FAT1: variants seen among roughly 807,000 people sequenced by gnomAD.
The protein encoded by FAT1 is FAT atypical cadherin 1, also known as protocadherin Fat 1.
FAT1 carries 171 observed loss-of-function variants against 329.8 expected under a neutral mutation model. The ratio of observed to expected loss-of-function variants is 0.52; its 90% CI spans 0.46 to 0.59. The LOEUF (loss-of-function observed/expected upper bound fraction) is 0.59. Among genes scored for constraint, FAT1 ranks in the 20% least tolerant of loss-of-function variants. The probability of loss-of-function intolerance (pLI) is 0.00; values close to 1 mark genes in which losing one functional copy is unlikely to be tolerated. For synonymous variants in FAT1, 2,233 were observed against 2,228.6 expected, an observed-to-expected ratio of 1.00 and a Z score of -0.06; for missense variants, 5,672 against 5,774.4, an observed-to-expected ratio of 0.98 and a Z score of 0.57.
In FAT1 at chr4:186,707,511, T is replaced by A. The variant is rs2126689151; in HGVS notation, c.2317A>T (p.Met773Leu). ...TCAAGAGGAGATAAAATTTTCAGCA[T>A]TCCTGTTTCCATATCAATCATGAAG... is the stretch of plus-strand genomic sequence containing the variant. ...SCFMIDMETG[M>L]LKILSPLDRE... Residue 773 changes from methionine (M) to leucine (L), a missense_variant, in exon 2 of 27, where the codon ATG (methionine) becomes TTG (leucine). This residue lies in a region of FAT1 where 3,966 missense variants were observed against 3,915.2 expected (regional missense o/e 1.01). Transcript: ENST00000441802. 1 of 1,614,028 alleles carries A rather than the reference T, an allele frequency of 6.2e-7. No individual in the cohort carries two copies. Among genetic ancestry groups the A allele is most frequent in the Admixed American group, 1.7e-5 (1 of 60,022 alleles).
rs760291675 is a variant in FAT1 at position 186,619,114 on chromosome 4, G to A, written c.7472C>T (p.Ala2491Val). The A allele has an allele frequency of 1.2e-6, 2 of 1,613,996 alleles. No homozygotes were observed. Among genetic ancestry groups the A allele is most frequent in the South Asian group, 1.1e-5 (1 of 91,078 alleles). ...CACTTCATATTCGTTCTGAAGGAAA[G>A]CAGGACTGTGCAAATTGCCTCCAAT... is the stretch of plus-strand genomic sequence containing the variant. ...TVIGGNLHSPAFLQNEYEVEL... is the reference protein window; with the variant it reads ...TVIGGNLHSPVFLQNEYEVEL... Residue 2491 changes from alanine to valine, a missense_variant, in exon 10 of 27, where the codon GCT (alanine) becomes GTT (valine). Transcript: ENST00000441802.
Position 186,601,298 on chromosome 4 carries a change from C to T in FAT1, c.11611G>A (p.Ala3871Thr). 1 of 1,608,074 alleles carries T rather than the reference C, an allele frequency of 6.2e-7. No individual in the cohort carries two copies. The highest frequency in any genetic ancestry group is 8.5e-7 in the Non-Finnish European group (1 of 1,175,242). Residue 3871 changes from alanine to threonine, a missense_variant, in exon 21 of 27, where the codon GCT becomes ACT. This residue lies in a region of FAT1 where 1,706 missense variants were observed against 1,859.1 expected (regional missense o/e 0.92). Transcript: ENST00000441802. ...TYSTHAVVMY[A>T]RGTDYSILEI... ...AAGATGCTATAGTCAGTTCCTCGAGCATACATGACAACCGCATGCGTGGAA... is the reference window on the plus strand; with the variant it reads ...AAGATGCTATAGTCAGTTCCTCGAGTATACATGACAACCGCATGCGTGGAA...
upstream of FAT1, among the ~76,000 whole-genome samples, chr4:186,724,876 G>GA (rs1372827808): frequency 6.6e-6 from 1 of 152,242 alleles, no homozygotes; most frequent in Non-Finnish European, 1.5e-5. This position sits in a 1 kb window ranked among gnomAD's most constrained non-coding sequence, Gnocchi z 5.3. Flanking sequence ...TGGGACTGGT[G>GA]AGGGGAGCTT....
In FAT1 at chr4:186,618,294, CT is replaced by C; in HGVS notation, c.8291del (p.Lys2764ArgfsTer30). 1 of 1,614,034 alleles carries C rather than the reference CT, an allele frequency of 6.2e-7. No homozygotes were observed. The highest frequency in any genetic ancestry group is 8.5e-7 in the Non-Finnish European group (1 of 1,179,898). On this transcript the variant is annotated frameshift_variant, in exon 10 of 27. Coordinates refer to ENST00000441802, the MANE Select transcript of FAT1 (RefSeq NM_005245.4). LOFTEE classifies it high-confidence loss of function. ...ACTTAGTTGTCTCATGATCAAGACT[CT>C]TCTCCAACTTCAGTCTCCCGCTCTG... ...DRQSGRLKLE[K>X]SLDHETTKWY... is the part of the protein sequence containing the mutation.
In FAT1 at chr4:186,708,478, C is replaced by A. The variant is rs1744764753; in HGVS notation, c.1350G>T (p.Leu450Phe). 1.2e-6 allele frequency: 2 copies of A among 1,613,976 alleles called. No homozygotes were observed. Among genetic ancestry groups the A allele is most frequent in the Non-Finnish European group, 1.7e-6 (2 of 1,179,900 alleles). ...TSDRKASTKV[L>F]VKVLGANSNP... ...TGCTATTTGCACCTAAGACTTTCAC[C>A]AAGACCTTGGTGGACGCTTTTCTGT... is the stretch of plus-strand genomic sequence containing the variant. Residue 450 changes from leucine to phenylalanine, a missense_variant, in exon 2 of 27, where the codon TTG becomes TTT. This residue lies in a region of FAT1 where 3,966 missense variants were observed against 3,915.2 expected (regional missense o/e 1.01). Coordinates refer to ENST00000441802, the MANE Select transcript of FAT1 (RefSeq NM_005245.4).
intron 2 of FAT1, among the ~76,000 whole-genome samples, chr4:186,692,061 T>TCC (rs140172746): frequency 2.0e-5 from 3 of 151,790 alleles, no homozygotes; most frequent in African/African-American, 7.3e-5. Context: ...TTGTTTTTCT[T>TCC]CCCCCCCATG....
At chr4:186,669,360 ATGC>A (rs1302476741) in intron 2 of FAT1, among the ~76,000 whole-genome samples, 1 of 152,188 alleles carries the variant, frequency 6.6e-6, no homozygotes, top group African/African-American at 2.4e-5. Flanking sequence ...AGCGGTCGTG[ATGC>A]TGCTGCGTGA....
rs745400476 is a variant in FAT1 at position 186,599,989 on chromosome 4, A to C, written c.12012T>G (p.Asp4004Glu). Residue 4004 changes from aspartate to glutamate, a missense_variant, in exon 22 of 27, where the codon GAT becomes GAG. Around this residue, in one of 2 missense-constraint regions of FAT1, gnomAD observed 1,706 missense variants for 1,859.1 expected, o/e 0.92. Coordinates refer to ENST00000441802, the MANE Select transcript of FAT1 (RefSeq NM_005245.4). ...RSYAHIEESV[D>E]VSPGCFLTAT... ...CCGTCAGGAAGCAGCCTGGAGATAC[A>C]TCCACCGACTCTTCGATGTGTGCAT... The C allele has an allele frequency of 6.2e-7, 1 of 1,613,944 alleles. No homozygotes were observed.
chr4:186,612,877 A>C (rs1739518800), intron 13 of FAT1, among the ~76,000 whole-genome samples: 1 of 152,242 alleles, frequency 6.6e-6, no homozygotes, highest in South Asian at 2.1e-4. Context: ...AATATTCAGT[A>C]ACCAGAATTT....
At chr4:186,612,280 C>T (rs1207332100) in intron 13 of FAT1, among the ~76,000 whole-genome samples, 4 of 151,980 alleles carry the variant, frequency 2.6e-5, no homozygotes, top group East Asian at 3.9e-4. Context: ...TAGACTATTT[C>T]GTATAGGAGC....
intron 3 of FAT1, among the ~76,000 whole-genome samples, chr4:186,645,428 T>TA (rs1226866451): frequency 2.0e-5 from 2 of 100,428 alleles, no homozygotes; most frequent in African/African-American, 7.6e-5. Flanking sequence ...TATATGCCTG[T>TA]AAAAAACTGA....
intron 3 of FAT1, among the ~76,000 whole-genome samples, chr4:186,646,280 C>T (rs981178769): frequency 6.6e-6 from 1 of 152,154 alleles, no homozygotes; most frequent in African/African-American, 2.4e-5. Context: ...AATCTGGTCA[C>T]CCGATACCTT....
Position 186,618,397 on chromosome 4 carries a change from C to A in FAT1, c.8189G>T (p.Ser2730Ile), listed in dbSNP as rs1424130519. The A allele has an allele frequency of 6.2e-7, 1 of 1,614,050 alleles. No homozygotes were observed. Among genetic ancestry groups the A allele is most frequent in the Non-Finnish European group, 8.5e-7 (1 of 1,179,894 alleles). Residue 2730 changes from serine (S) to isoleucine (I), a missense_variant, in exon 10 of 27, where the codon AGT (serine) becomes ATT (isoleucine). Ser to Ile is a moderately radical substitution (Grantham distance 142, BLOSUM62 -2). This residue lies in a region of FAT1 where 3,966 missense variants were observed against 3,915.2 expected (regional missense o/e 1.01). Coordinates refer to ENST00000441802, the MANE Select transcript of FAT1 (RefSeq NM_005245.4). Reference sequence around the variant, plus strand: ...GACCAGGCTGTAAAGAACAGTCCCACTATGTTCTGCTCGGATGAGATCTAT... The same window carrying A: ...GACCAGGCTGTAAAGAACAGTCCCAATATGTTCTGCTCGGATGAGATCTAT... ...TEIDLIRAEH[S>I]GTVLYSLVKG...
At chr4:186,653,482 T>C (rs1741764943) in intron 3 of FAT1, among the ~76,000 whole-genome samples, 1 of 152,144 alleles carries the variant, frequency 6.6e-6, no homozygotes, top group South Asian at 2.1e-4. Context: ...AATTTTTACT[T>C]CAGAAATATA....
chr4:186,598,579 G>C (rs1738646125), intron 22 of FAT1: 1 of 152,842 alleles, frequency 6.5e-6, no homozygotes, highest in Non-Finnish European at 1.5e-5. Context: ...ACCCAGGCTG[G>C]AGTGCAGTGG....
chr4:186,689,660 T>C (rs1743651666), intron 2 of FAT1, among the ~76,000 whole-genome samples: 1 of 152,214 alleles, frequency 6.6e-6, no homozygotes, highest in South Asian at 2.1e-4. Flanking sequence ...ACCAGTGTAA[T>C]AGGCTTTTAA....
rs984673223 is a variant in FAT1, at chr4:186,613,324, G to A, written c.9248C>T (p.Thr3083Ile). 1.9e-6 allele frequency: 3 copies of A among 1,613,818 alleles called. No homozygotes were observed. Among genetic ancestry groups the A allele is most frequent in the African/African-American group, 1.3e-5 (1 of 74,936 alleles). Residue 3083 changes from threonine to isoleucine, a missense_variant, in exon 13 of 27, where the codon ACC (threonine) becomes ATC (isoleucine). Physicochemically the swap from Thr to Ile is moderately conservative, Grantham distance 89. This residue lies in a region of FAT1 where 3,966 missense variants were observed against 3,915.2 expected (regional missense o/e 1.01). Transcript: ENST00000441802. Reference sequence around the variant, plus strand: ...AGCTTGCTCCTCACGATCAAGGGGGGTTGACGTTTTCAGTTCACCTACAAA... The same window carrying A: ...AGCTTGCTCCTCACGATCAAGGGGGATTGACGTTTTCAGTTCACCTACAAA... ...NPDTGELKTS[T>I]PLDREEQAVY...
chr4:186,601,870 GA>G (rs1253512548), intron 20 of FAT1, among the ~76,000 whole-genome samples: 1 of 152,056 alleles, frequency 6.6e-6, no homozygotes, highest in African/African-American at 2.4e-5. Flanking sequence ...AATAACAATT[GA>G]ATTTCAAAAT....
chr4:186,698,193 T>C (rs1442191276), intron 2 of FAT1, among the ~76,000 whole-genome samples: 1 of 152,210 alleles, frequency 6.6e-6, no homozygotes, highest in East Asian at 1.9e-4. Context: ...CGCTGGACTG[T>C]GTCCTTGAGT....
Sources: allele counts gnomAD v4.1 joint callset (sites outside exome capture counted in the v4.1 genomes callset), GRCh38; gene constraint gnomAD v4.1.1; regional missense constraint gnomAD v4.1.1; non-coding constraint Gnocchi (gnomAD v3.1); transcripts MANE v1.5; gene names NCBI Gene and HGNC (gene_info 2026-07-23, HGNC 2026-07-21).